CALD1: variants seen among roughly 807,000 people sequenced by gnomAD.
CALD1 encodes caldesmon.
In CALD1, 33 loss-of-function variants were observed where a neutral mutation model predicts 99.9. The ratio of observed to expected loss-of-function variants is 0.33; its 90% CI spans 0.25 to 0.44. The LOEUF (loss-of-function observed/expected upper bound fraction) is 0.44. Among genes scored for constraint, CALD1 ranks in the 20% least tolerant of loss-of-function variants. The probability of loss-of-function intolerance (pLI) is 1.00; values close to 1 mark genes in which losing one functional copy is unlikely to be tolerated. For synonymous variants in CALD1, 310 were observed against 325.0 expected, an observed-to-expected ratio of 0.95 and a Z score of 0.50; for missense variants, 861 against 962.1, an observed-to-expected ratio of 0.89 and a Z score of 1.39.
the CALD1 span, among the ~76,000 whole-genome samples, chr7:134,722,902 A>G: frequency 6.6e-6 from 1 of 152,124 alleles, no homozygotes; most frequent in African/African-American, 2.4e-5. Flanking sequence ...ACTCACAGTT[A>G]ACTTCTGGGG....
At chr7:134,711,964 GGT>G in the CALD1 span, among the ~76,000 whole-genome samples, 1 of 142,646 alleles carries the variant, frequency 7.0e-6, no homozygotes, top group East Asian at 2.2e-4. Flanking sequence ...CACAGTTCCT[GGT>G]GTATAGGTAC....
intron 9 of CALD1, 146 bp from the exon 10 acceptor site, chr7:134,957,923 T>C: frequency 3.1e-6 from 2 of 635,496 alleles, no homozygotes; most frequent in South Asian, 3.8e-5. Context: ...TTTTGCTTTC[T>C]AGCAGAGCTA....
At chr7:134,919,907 T>C (rs1244558944) in intron 3 of CALD1, among the ~76,000 whole-genome samples, 1 of 152,236 alleles carries the variant, frequency 6.6e-6, no homozygotes, top group African/African-American at 2.4e-5. Flanking sequence ...CATATTCTGA[T>C]ATGAAAAATA....
chr7:134,933,052 G>T lies in CALD1; in HGVS notation c.283G>T (p.Ala95Ser). ...TCAAGTGGAAGGGGATGATGAGGCCGCATTCCTGGAGCGCCTGGCTCGGCG... is the reference window on the plus strand; with the variant it reads ...TCAAGTGGAAGGGGATGATGAGGCCTCATTCCTGGAGCGCCTGGCTCGGCG... Reference protein sequence around the residue: ...NTQVEGDDEAAFLERLARREE... With the variant: ...NTQVEGDDEASFLERLARREE... The change falls in exon 5 of 15, where the codon GCA becomes TCA. Residue 95 changes from alanine (A) to serine (S), a missense_variant. Coordinates refer to ENST00000361675, the MANE Select transcript of CALD1 (RefSeq NM_033138.4). The T allele has an allele frequency of 6.2e-7, 1 of 1,613,832 alleles. No homozygotes were observed. Among genetic ancestry groups the T allele is most frequent in the Non-Finnish European group, 8.5e-7 (1 of 1,179,900 alleles).
rs116947333 is a variant in CALD1 at position 134,897,168 on chromosome 7, G to A, written c.71+29364G>A. On this transcript the variant is annotated intron_variant, in intron 3 of 14. Transcript: ENST00000361675. ...TCAGCAAATACTCATTGAGGGTTTC[G>A]CATTCTAGTGAATACTGCTGTACTG... 2.4e-3 allele frequency among the ~76,000 whole-genome samples: 368 copies of A among 152,118 alleles called. 2 individuals carry two copies. The highest frequency in any genetic ancestry group is 0.014 in the Middle Eastern group (4 of 294).
intron 2 of CALD1, among the ~76,000 whole-genome samples, chr7:134,851,063 C>T (rs1229365042): frequency 6.6e-6 from 1 of 152,136 alleles, no homozygotes; most frequent in Non-Finnish European, 1.5e-5. Context: ...TATAAATTAC[C>T]CAGTCTCAGG....
chr7:134,841,693 A>G (rs1799656961), intron 1 of CALD1, among the ~76,000 whole-genome samples: 1 of 152,222 alleles, frequency 6.6e-6, no homozygotes, highest in Non-Finnish European at 1.5e-5. Flanking sequence ...GGGCAGGGAC[A>G]GATCCTCATG....
chr7:134,776,501 C>T (rs1481510021), upstream of CALD1, among the ~76,000 whole-genome samples: 1 of 152,108 alleles, frequency 6.6e-6, no homozygotes, highest in Non-Finnish European at 1.5e-5. Context: ...CTTTTTTCCA[C>T]ACTGTTGGAT....
rs1805924268 is a variant in CALD1 at position 134,935,764 on chromosome 7, A to G, written c.1385A>G (p.Glu462Gly). 1.3e-6 allele frequency: 2 copies of G among 1,586,488 alleles called. No homozygotes were observed. Among genetic ancestry groups the G allele is most frequent in the Non-Finnish European group, 1.7e-6 (2 of 1,168,376 alleles). The change falls in exon 6 of 15, where the codon GAG becomes GGG. Residue 462 changes from glutamate (E) to glycine (G), a missense_variant and splice_region_variant. Transcript: ENST00000361675. ...GACAAGCCTACCTTCAAAAAAGAAG[A>G]GGTAAATATGATTGAAAAGTAATGA... ...QEDKPTFKKE[E>G]IKDEKIKKDK...
chr7:134,731,273 A>G, the CALD1 span, among the ~76,000 whole-genome samples: 139 of 152,310 alleles, frequency 9.1e-4, no homozygotes, highest in African/African-American at 3.2e-3. Flanking sequence ...ATGAAAACAA[A>G]CAAACATAAA....
At chr7:134,758,564 G>T (rs938430918) in intron 1 of CALD1, among the ~76,000 whole-genome samples, 1 of 150,930 alleles carries the variant, frequency 6.6e-6, no homozygotes, top group Non-Finnish European at 1.5e-5. Context: ...CAGTGGAGAA[G>T]TTACTAATTG....
At chr7:134,715,232 G>A in the CALD1 span, among the ~76,000 whole-genome samples, 2 of 152,168 alleles carry the variant, frequency 1.3e-5, no homozygotes, top group Non-Finnish European at 1.5e-5. Context: ...CCACTACAGT[G>A]ACTTCTACTA....
intron 1 of CALD1, among the ~76,000 whole-genome samples, chr7:134,790,518 G>A (rs1797485699): frequency 6.6e-6 from 1 of 152,136 alleles, no homozygotes; most frequent in African/African-American, 2.4e-5. Context: ...TCCGTAACCA[G>A]TCATTATAAT....
the CALD1 span, among the ~76,000 whole-genome samples, chr7:134,734,358 T>C: frequency 1.8e-4 from 15 of 83,522 alleles, no homozygotes; most frequent in African/African-American, 7.5e-4. Flanking sequence ...TTTTGGGTTT[T>C]TTGTTTTTAC....
chr7:134,902,477 G>A (rs1449930999), intron 3 of CALD1, among the ~76,000 whole-genome samples: 1 of 152,082 alleles, frequency 6.6e-6, no homozygotes. Context: ...GGGGCTGGGA[G>A]GGAGATCATG....
Position 134,947,769 on chromosome 7 carries a change from G to A in CALD1, c.1794G>A (p.Glu598=), listed in dbSNP as rs1210912593. 1.9e-6 allele frequency: 3 copies of A among 1,613,160 alleles called. No individual in the cohort carries two copies. Among genetic ancestry groups the A allele is most frequent in the African/African-American group, 1.3e-5 (1 of 74,832 alleles). Residue 598 remains glutamate, a splice_region_variant and synonymous_variant, in exon 8 of 15, where the codon GAG becomes GAA. Coordinates refer to ENST00000361675, the MANE Select transcript of CALD1 (RefSeq NM_033138.4). The part of the protein sequence containing the change: ...QEEADRKLRE[E]EEKRRLKEEI... ...AAGCCGATCGAAAACTCAGAGAGGAGGTAAGGCGGGCGCTAGCCCACTGAG... is the reference window on the plus strand; with the variant it reads ...AAGCCGATCGAAAACTCAGAGAGGAAGTAAGGCGGGCGCTAGCCCACTGAG...
chr7:134,968,603 G>T lies in CALD1; in HGVS notation c.*258G>T. On this transcript the variant is annotated 3_prime_UTR_variant, in exon 15 of 15. Transcript: ENST00000361675. ...GCTGTGAAATAGAGACTTTTCTACT[G>T]ATCATCATAACTCTGTATCTGAGCA... 2 of 677,692 alleles carry T rather than the reference G, an allele frequency of 3.0e-6. No homozygotes were observed. Among genetic ancestry groups the T allele is most frequent in the Non-Finnish European group, 5.4e-6 (2 of 369,048 alleles). The allele number at this position is 677,692 out of a possible 1,614,324, so 42.0% of individuals were successfully genotyped here. A position where few individuals can be genotyped will look rare whatever the true frequency, so the allele number is the denominator to read the frequency against.
chr7:134,791,547 A>C (rs1187405036), intron 1 of CALD1, among the ~76,000 whole-genome samples: 1 of 152,230 alleles, frequency 6.6e-6, no homozygotes, highest in Non-Finnish European at 1.5e-5. Context: ...GGAGAAACAG[A>C]GGCATGAACA....
intron 3 of CALD1, chr7:134,891,542 G>T (rs1802169368): frequency 6.5e-7 from 1 of 1,540,332 alleles, no homozygotes. Flanking sequence ...CCCTCCGCGG[G>T]CCCAGCCCAC....
Sources: allele counts gnomAD v4.1 joint callset (sites outside exome capture counted in the v4.1 genomes callset), GRCh38; gene constraint gnomAD v4.1.1; transcripts MANE v1.5; gene names NCBI Gene and HGNC (gene_info 2026-07-23, HGNC 2026-07-21).